CEP192: variants seen among roughly 807,000 people sequenced by gnomAD.
The protein encoded by CEP192 is centrosomal protein of 192 kDa.
A neutral mutation model predicts 271.8 loss-of-function variants in CEP192; 151 were observed. That is an observed-to-expected ratio of 0.56 (90% CI 0.49 to 0.64). The LOEUF is 0.64. Ranked by LOEUF, CEP192 falls within the 30% of genes least tolerant of loss-of-function variation. CEP192 has a pLI of 0.00. For synonymous variants in CEP192, 995 were observed against 1,076.5 expected, an observed-to-expected ratio of 0.92 and a Z score of 1.48; for missense variants, 2,910 against 3,020.5, an observed-to-expected ratio of 0.96 and a Z score of 0.86.
Position 13,100,335 on chromosome 18 carries a change from T to G in CEP192, c.6694T>G (p.Leu2232Val). 2 of 1,614,094 alleles carry G rather than the reference T, an allele frequency of 1.2e-6. No homozygotes were observed. Among genetic ancestry groups the G allele is most frequent in the Non-Finnish European group, 1.7e-6 (2 of 1,179,950 alleles). Residue 2232 changes from leucine (L) to valine (V), a missense_variant, in exon 38 of 45, where the codon TTA becomes GTA. Transcript: ENST00000506447. ...KIVKVQIRED[L>V]TQVELLTRLT... Reference sequence around the variant, plus strand: ...TGTGAAAGTTCAAATTCGAGAAGATTTAACTCAAGTGGAACTTTTAACTCG... The same window carrying G: ...TGTGAAAGTTCAAATTCGAGAAGATGTAACTCAAGTGGAACTTTTAACTCG...
At chr18:13,022,597 T>C (rs1423796272) in intron 9 of CEP192, among the ~76,000 whole-genome samples, 2 of 152,004 alleles carry the variant, frequency 1.3e-5, no homozygotes, top group Non-Finnish European at 2.9e-5. Context: ...GCCAGACTGG[T>C]CTCAAACTTC....
At chr18:13,089,009 A>G (rs2039020076) in intron 32 of CEP192, 6 of 369,716 alleles carry the variant, frequency 1.6e-5, no homozygotes, top group South Asian at 8.5e-5. Flanking sequence ...TTTTGTGGAC[A>G]TCTGAGTATT....
intron 44 of CEP192, 165 bp from the exon 45 acceptor site, chr18:13,124,467 A>T: frequency 3.5e-6 from 2 of 570,990 alleles, no homozygotes; most frequent in Non-Finnish European, 5.7e-6. Flanking sequence ...CCTTTGTGTT[A>T]TTTTCTCATT....
chr18:13,067,724 T>TA, intron 21 of CEP192, 107 bp from the exon 22 acceptor site: 1 of 842,476 alleles, frequency 1.2e-6, no homozygotes, highest in Non-Finnish European at 1.8e-6. Flanking sequence ...AAGTTTTACT[T>TA]ACTGCTGACT....
rs1775189326 is a variant in CEP192 at position 13,049,750 on chromosome 18, AC to A, written c.2891-11del. The A allele has an allele frequency of 3.1e-6, 5 of 1,607,610 alleles. No homozygotes were observed. The South Asian group carries it at 5.6e-5, about 18-fold the overall frequency. ...TTATTTTCTCTTCTTACTGGAAAAT[AC>A]CCCTTTCTGATAGATTTGAAAAATA... On this transcript the variant is annotated splice_polypyrimidine_tract_variant and intron_variant, in intron 16 of 44. Coordinates refer to ENST00000506447, the MANE Select transcript of CEP192 (RefSeq NM_032142.4).
intron 4 of CEP192, among the ~76,000 whole-genome samples, chr18:13,009,984 C>T (rs923531073): frequency 2.0e-4 from 30 of 151,964 alleles, no homozygotes; most frequent in Admixed American, 1.8e-3. Flanking sequence ...CAAGGTGAAA[C>T]TCTGTCTGTA....
intron 21 of CEP192, among the ~76,000 whole-genome samples, chr18:13,066,449 A>T (rs562188483): frequency 3.9e-4 from 59 of 152,294 alleles, no homozygotes; most frequent in Admixed American, 6.5e-4. Flanking sequence ...ATATTTAAAA[A>T]TTTTTAATGT....
intron 42 of CEP192, among the ~76,000 whole-genome samples, chr18:13,114,731 C>A (rs542203280): frequency 6.6e-6 from 1 of 152,166 alleles, no homozygotes; most frequent in African/African-American, 2.4e-5. Flanking sequence ...CATACATTTT[C>A]GTTACTTTTT....
rs1598574300 is a variant in CEP192 at position 13,091,016 on chromosome 18, C to T, written c.6104-1361C>T. ...TGGATGCAGAGGTACTGGATGCAGT[C>T]CTTGTCCATGAGGGGCTTACAGACT... On this transcript the variant is annotated intron_variant, in intron 33 of 44. Transcript: ENST00000506447. Among the ~76,000 whole-genome samples the T allele has an allele frequency of 3.3e-5, 5 of 152,274 alleles. No homozygotes were observed. The South Asian group carries it at 1.0e-3, about 32-fold the overall frequency.
At chr18:13,088,381 A>G (rs2038992001) in intron 32 of CEP192, among the ~76,000 whole-genome samples, 1 of 152,154 alleles carries the variant, frequency 6.6e-6, no homozygotes, top group Non-Finnish European at 1.5e-5. Flanking sequence ...CCAGGAGTTC[A>G]AGGCTGCAGT....
At chr18:13,096,348 G>A (rs907773622) in intron 36 of CEP192, 41 bp downstream of exon 36, 1 of 1,589,978 alleles carries the variant, frequency 6.3e-7, no homozygotes, top group South Asian at 1.1e-5. Flanking sequence ...TTACTTAGGT[G>A]CTGGCTTGGT....
intron 44 of CEP192, among the ~76,000 whole-genome samples, chr18:13,122,597 TGAAAG>T (rs997451436): frequency 1.3e-5 from 2 of 151,820 alleles, no homozygotes; most frequent in African/African-American, 4.8e-5. Flanking sequence ...AAAAATGTTT[TGAAAG>T]GAAGGAAGGA....
intron 9 of CEP192, 98 bp from the exon 10 acceptor site, chr18:13,029,565 A>G (rs2035496753): frequency 8.3e-6 from 6 of 721,424 alleles, no homozygotes; most frequent in Non-Finnish European, 1.4e-5. Context: ...TAAACATTTT[A>G]TATCAACTAT....
intron 15 of CEP192, among the ~76,000 whole-genome samples, chr18:13,047,958 A>G (rs2036571364): frequency 6.6e-6 from 1 of 152,208 alleles, no homozygotes; most frequent in Non-Finnish European, 1.5e-5. Context: ...AATGATAATC[A>G]ATTTTGTAAA....
chr18:13,006,273 C>T (rs956569822), intron 3 of CEP192, among the ~76,000 whole-genome samples: 1 of 151,104 alleles, frequency 6.6e-6, no homozygotes, highest in Non-Finnish European at 1.5e-5. Flanking sequence ...CTTTTTTTGA[C>T]CTTTTTTTTT....
intron 3 of CEP192, among the ~76,000 whole-genome samples, chr18:13,003,476 GATATGAGCCA>G (rs2033784828): frequency 6.9e-6 from 1 of 144,744 alleles, no homozygotes; most frequent in Non-Finnish European, 1.5e-5. Flanking sequence ...AAAAAAAGAA[GATATGAGCCA>G]AGACTTGAGG....
intron 11 of CEP192, among the ~76,000 whole-genome samples, chr18:13,036,986 T>G (rs997844932): frequency 2.0e-5 from 3 of 152,212 alleles, no homozygotes; most frequent in African/African-American, 7.2e-5. Context: ...GAGAAAAAGC[T>G]TTCATTGTAA....
In CEP192 at chr18:13,046,829, CT is replaced by C. The variant is rs574030180; in HGVS notation, c.2068-2012del. On this transcript the variant is annotated intron_variant, in intron 15 of 44. Transcript: ENST00000506447. ...GTTTTCTTCTTAAAGAATATCCTTA[CT>C]TTTTTTTTTTTTTTTTTGTAAGGGA... Among the ~76,000 whole-genome samples the C allele has an allele frequency of 5.6e-3, 685 of 122,346 alleles. 2 individuals carry two copies. Among genetic ancestry groups the C allele is most frequent in the Middle Eastern group, 0.02 (3 of 152 alleles). The allele number at this position is 122,346 out of a possible 152,430, so 80.3% of individuals were successfully genotyped here.
intron 13 of CEP192, among the ~76,000 whole-genome samples, chr18:13,040,024 G>C (rs1433109293): frequency 2.6e-5 from 4 of 152,186 alleles, no homozygotes; most frequent in African/African-American, 9.7e-5. Context: ...TTCATTAAGA[G>C]TATGATTTTG....
Sources: gnomAD v4.1 joint callset for allele counts (sites outside exome capture counted in the v4.1 genomes callset) on GRCh38, gnomAD v4.1.1 for gene constraint, MANE v1.5 for transcripts, NCBI Gene and HGNC (gene_info 2026-07-23, HGNC 2026-07-21) for gene names.